Variants in SLC4A10 observed in about 807,000 individuals in gnomAD.
SLC4A10 encodes the protein sodium-driven chloride bicarbonate exchanger.
SLC4A10 carries 42 observed loss-of-function variants against 137.7 expected under a neutral mutation model. The observed-to-expected ratio is 0.30, with a 90% CI of 0.24 to 0.39. SLC4A10 has a LOEUF of 0.39. SLC4A10 is among the 10% of genes least tolerant of loss of function. The pLI is 1.00. For synonymous variants in SLC4A10, 474 were observed against 464.1 expected (o/e 1.02, Z -0.27); for missense variants, 925 against 1,355.0 (o/e 0.68, Z 4.98).
intron 6 of SLC4A10, among the ~76,000 whole-genome samples, chr2:161,864,606 A>C (rs1232593146): frequency 2.6e-5 from 4 of 152,144 alleles, no homozygotes; most frequent in Non-Finnish European, 5.9e-5. Context: ...TACATACAAG[A>C]GTCTATAGAT....
At chr2:161,701,530 AATT>A in intron 1 of SLC4A10, among the ~76,000 whole-genome samples, 1 of 152,140 alleles carries the variant, frequency 6.6e-6, no homozygotes, top group South Asian at 2.1e-4. Flanking sequence ...ACATCAGGAT[AATT>A]GGGATATCCA....
At chr2:161,932,666 G>A (rs1690622657) in intron 15 of SLC4A10, among the ~76,000 whole-genome samples, 1 of 152,090 alleles carries the variant, frequency 6.6e-6, no homozygotes, top group Non-Finnish European at 1.5e-5. Context: ...GGTGGTTCTG[G>A]AACTTCAGGA....
At chr2:161,958,464 T>C (rs1227197592) in intron 20 of SLC4A10, 23 bp from the exon 21 acceptor site, 2 of 1,594,234 alleles carry the variant, frequency 1.3e-6, no homozygotes, top group African/African-American at 1.3e-5. Context: ...ATTTCTGCCT[T>C]TTCTCCAATT....
chr2:161,652,955 A>T (rs1268502623), intron 1 of SLC4A10, among the ~76,000 whole-genome samples: 1 of 151,954 alleles, frequency 6.6e-6, no homozygotes, highest in Non-Finnish European at 1.5e-5. Flanking sequence ...GCATCCATCA[A>T]CCCATCATCT....
At chr2:161,800,349 C>A (rs953421193) in intron 2 of SLC4A10, among the ~76,000 whole-genome samples, 2 of 151,996 alleles carry the variant, frequency 1.3e-5, no homozygotes, top group African/African-American at 2.4e-5. Flanking sequence ...ATCTATTATA[C>A]TTGAAAACCA....
At chr2:161,678,207 G>A (rs1160534891) in intron 1 of SLC4A10, among the ~76,000 whole-genome samples, 1 of 152,136 alleles carries the variant, frequency 6.6e-6, no homozygotes, top group African/African-American at 2.4e-5. Flanking sequence ...ATGAATCTGG[G>A]AAGTTGGGAG....
chr2:161,927,031 T>C (rs1457560803), intron 15 of SLC4A10, among the ~76,000 whole-genome samples: 6 of 152,136 alleles, frequency 3.9e-5, no homozygotes, highest in African/African-American at 1.4e-4. Context: ...CTGAAAATTA[T>C]GTGTCTTGGA....
chr2:161,824,047 C>T (rs560295667), intron 3 of SLC4A10, among the ~76,000 whole-genome samples: 1 of 152,140 alleles, frequency 6.6e-6, no homozygotes, highest in South Asian at 2.1e-4. Context: ...TGCTTTGTCC[C>T]TGAAGTCAGG....
chr2:161,797,636 A>ATT (rs57794862), intron 2 of SLC4A10, among the ~76,000 whole-genome samples: 1 of 151,454 alleles, frequency 6.6e-6, no homozygotes, highest in African/African-American at 2.4e-5. Context: ...TTCTCAAGTC[A>ATT]TTTTTTTTAT....
intron 15 of SLC4A10, among the ~76,000 whole-genome samples, chr2:161,930,511 GTTATAA>G (rs1690153200): frequency 6.6e-6 from 1 of 150,434 alleles, no homozygotes; most frequent in Non-Finnish European, 1.5e-5. Flanking sequence ...CTGTCCAGTT[GTTATAA>G]TTATACTTAC....
intron 26 of SLC4A10, among the ~76,000 whole-genome samples, chr2:161,980,522 A>C (rs1700072499): frequency 1.3e-5 from 2 of 151,968 alleles, no homozygotes; most frequent in African/African-American, 2.4e-5. Context: ...GGTAACGCAC[A>C]CCTGTAATCC....
At chr2:161,696,668 G>C (rs1461399913) in intron 1 of SLC4A10, among the ~76,000 whole-genome samples, 1 of 151,894 alleles carries the variant, frequency 6.6e-6, no homozygotes, top group Non-Finnish European at 1.5e-5. Flanking sequence ...GTATTCCATG[G>C]TGTATATGTA....
chr2:161,978,902 C>T (rs935646490), intron 26 of SLC4A10, among the ~76,000 whole-genome samples: 8 of 152,132 alleles, frequency 5.3e-5, no homozygotes, highest in African/African-American at 1.9e-4. Flanking sequence ...GCTTTAACTT[C>T]CTTTCTCAAA....
intron 4 of SLC4A10, among the ~76,000 whole-genome samples, chr2:161,843,812 A>C (rs2059335193): frequency 6.6e-6 from 1 of 152,142 alleles, no homozygotes; most frequent in Admixed American, 6.6e-5. Context: ...GCAGAAACAA[A>C]AAGATATTTT....
chr2:161,909,071 G>A (rs1575590983), intron 15 of SLC4A10, among the ~76,000 whole-genome samples: 1 of 128,310 alleles, frequency 7.8e-6, no homozygotes, highest in Non-Finnish European at 1.6e-5. Flanking sequence ...ATCACACACT[G>A]GGGACTGTTG....
chr2:161,658,286 A>G (rs2037820999), intron 1 of SLC4A10, among the ~76,000 whole-genome samples: 1 of 152,240 alleles, frequency 6.6e-6, no homozygotes, highest in Admixed American at 6.5e-5. Context: ...CAATTTAAAG[A>G]AAAACCCAGA....
In SLC4A10 at chr2:161,905,893, T is replaced by C. The variant is rs751058902; in HGVS notation, c.1997+6T>C. 6.3e-7 allele frequency: 1 copy of C among 1,593,054 alleles called. No individual in the cohort carries two copies. Among genetic ancestry groups the C allele is most frequent in the African/African-American group, 1.3e-5 (1 of 74,186 alleles). Reference sequence around the variant, plus strand: ...GAACTGCTGACACAATACTCGTAAGTACCATTTCCCCTGCTGGCCTTGGGG... The same window carrying C: ...GAACTGCTGACACAATACTCGTAAGCACCATTTCCCCTGCTGGCCTTGGGG... On this transcript the variant is annotated splice_donor_region_variant and intron_variant, in intron 15 of 26. Transcript: ENST00000446997.
rs539417260 is a variant in SLC4A10, at chr2:161,974,265, T to A, written c.3176T>A (p.Leu1059Gln). Residue 1059 changes from leucine to glutamine, a missense_variant, in exon 24 of 27, where the codon CTA becomes CAA. Transcript: ENST00000446997. ...TCTTTTCAGGAAGAACAAAGTATGC[T>A]AGCTATGGAAGATGAGGGCACAGTA... ...DAEKEEEQSM[L>Q]AMEDEGTVQL... The A allele has an allele frequency of 2.6e-5, 41 of 1,607,516 alleles. No homozygotes were observed. The highest frequency in any genetic ancestry group is 3.3e-5 in the Non-Finnish European group (39 of 1,177,068).
At chr2:161,958,409 G>T in intron 20 of SLC4A10, 78 bp from the exon 21 acceptor site, 5 of 1,249,662 alleles carry the variant, frequency 4.0e-6, no homozygotes, top group Admixed American at 3.9e-5. Flanking sequence ...TTTTTTCCCT[G>T]TTTTTTTCTT....
Sources: allele counts gnomAD v4.1 joint callset (sites outside exome capture counted in the v4.1 genomes callset), GRCh38; gene constraint gnomAD v4.1.1; transcripts MANE v1.5; gene names NCBI Gene and HGNC (gene_info 2026-07-23, HGNC 2026-07-21).